The following BTLA variants were observed in gnomAD, a reference collection of about 807,000 sequenced individuals.
BTLA encodes the protein B- and T-lymphocyte attenuator.
BTLA carries 11 observed loss-of-function variants against 25.0 expected under a neutral mutation model. That is an observed-to-expected ratio of 0.44 (90% CI 0.28 to 0.73). The LOEUF (loss-of-function observed/expected upper bound fraction) is 0.73. BTLA is among the 30% of genes least tolerant of loss of function. BTLA has a pLI of 0.15. For synonymous variants in BTLA, 104 were observed against 119.8 expected (o/e 0.87, Z 0.86); for missense variants, 282 against 332.8 (o/e 0.85, Z 1.19).
Position 112,466,066 on chromosome 3 carries a change from A to T in BTLA, c.*42T>A. 6.6e-7 allele frequency: 1 copy of T among 1,508,190 alleles called. No individual in the cohort carries two copies. The highest frequency in any genetic ancestry group is 8.9e-7 in the Non-Finnish European group (1 of 1,118,516). The allele number at this position is 1,508,190 out of a possible 1,614,324, so 93.4% of individuals were successfully genotyped here. Reference sequence around the variant, plus strand: ...GTTGAGCCCAGACAATGATGTCAACATGCTGATCATTCAATGGTCCCTGTT... The same window carrying T: ...GTTGAGCCCAGACAATGATGTCAACTTGCTGATCATTCAATGGTCCCTGTT... On this transcript the variant is annotated 3_prime_UTR_variant, in exon 5 of 5. Transcript: ENST00000334529.
chr3:112,473,085 GT>G (rs1222326427), intron 2 of BTLA, among the ~76,000 whole-genome samples: 2 of 151,462 alleles, frequency 1.3e-5, no homozygotes, highest in Non-Finnish European at 2.9e-5. Flanking sequence ...AGAACAAACT[GT>G]TTCTCTATTT....
At chr3:112,488,231 T>TC (rs1553732288) in intron 1 of BTLA, among the ~76,000 whole-genome samples, 7 of 144,948 alleles carry the variant, frequency 4.8e-5, no homozygotes, top group Admixed American at 6.9e-5. Flanking sequence ...CTTTTTTCTT[T>TC]TTTTTTTTTT....
rs953379422 is a variant in BTLA at position 112,465,224 on chromosome 3, T to C, written c.*884A>G. 1 of 152,646 alleles carries C rather than the reference T, an allele frequency of 6.6e-6. No homozygotes were observed. The highest frequency in any genetic ancestry group is 2.4e-5 in the African/African-American group (1 of 41,452). 9.5% of individuals were successfully genotyped at this position (152,646 alleles called of 1,614,324 possible). A position where few individuals can be genotyped will look rare whatever the true frequency, so the allele number is the denominator to read the frequency against. ...ATATTCTGGGTTTTCCTCCATTCCA[T>C]TAATTGCACTTTAACTTGCTATCAA... On this transcript the variant is annotated 3_prime_UTR_variant, in exon 5 of 5. Transcript: ENST00000334529.
intron 1 of BTLA, among the ~76,000 whole-genome samples, chr3:112,483,694 A>G (rs1358028041): frequency 1.3e-5 from 2 of 151,276 alleles, no homozygotes; most frequent in Non-Finnish European, 2.9e-5. Context: ...AAGGCCGGGC[A>G]TGGTGGCTCA....
chr3:112,485,174 G>GAGTA, intron 1 of BTLA, among the ~76,000 whole-genome samples: 1 of 151,140 alleles, frequency 6.6e-6, no homozygotes, highest in African/African-American at 2.4e-5. Flanking sequence ...CCTCCCCGGT[G>GAGTA]GCTGGGATTA....
intron 1 of BTLA, 69 bp from the exon 2 acceptor site, chr3:112,479,838 T>G: frequency 7.8e-7 from 1 of 1,277,202 alleles, no homozygotes; most frequent in Non-Finnish European, 1.1e-6. Flanking sequence ...GTGACTTCAA[T>G]AGTTCTCAAG....
intron 1 of BTLA, among the ~76,000 whole-genome samples, chr3:112,487,872 GA>G (rs936930600): frequency 6.6e-6 from 1 of 152,154 alleles, no homozygotes; most frequent in African/African-American, 2.4e-5. Context: ...CTTCATGGGG[GA>G]AGATAAATCT....
intron 4 of BTLA, among the ~76,000 whole-genome samples, chr3:112,468,225 G>GT (rs2082240692): frequency 1.3e-5 from 2 of 152,302 alleles, no homozygotes; most frequent in African/African-American, 4.8e-5. Flanking sequence ...CAATTCAGTG[G>GT]TTTTTATTAG....
At chr3:112,476,253 G>A (rs916079088) in intron 2 of BTLA, among the ~76,000 whole-genome samples, 5 of 152,118 alleles carry the variant, frequency 3.3e-5, no homozygotes, top group Non-Finnish European at 2.9e-5. Flanking sequence ...CTCTGCCATC[G>A]ATTTCTTCTA....
At chr3:112,479,418 A>T in intron 2 of BTLA, 37 bp downstream of exon 2, 1 of 1,542,318 alleles carries the variant, frequency 6.5e-7, no homozygotes, top group Non-Finnish European at 8.8e-7. Context: ...AAACATTATA[A>T]GAAAAATATC....
intron 1 of BTLA, among the ~76,000 whole-genome samples, chr3:112,484,412 C>T (rs575918520): frequency 2.6e-5 from 4 of 152,200 alleles, no homozygotes; most frequent in East Asian, 3.9e-4. Context: ...ACACATTGAG[C>T]GAATTTGATA....
chr3:112,483,488 T>A (rs1436857092), intron 1 of BTLA, among the ~76,000 whole-genome samples: 1 of 152,074 alleles, frequency 6.6e-6, no homozygotes, highest in Non-Finnish European at 1.5e-5. Context: ...AGAATCAATT[T>A]ACTATATACC....
Position 112,499,259 on chromosome 3 carries a change from C to T in BTLA, c.88+12G>A, listed in dbSNP as rs765647778. 1 of 1,553,902 alleles carries T rather than the reference C, an allele frequency of 6.4e-7. No individual in the cohort carries two copies. The highest frequency in any genetic ancestry group is 8.9e-7 in the Non-Finnish European group (1 of 1,125,772). ...GAAATAAAACCAGAAATAACCTAAGCAGGTGCCTTACCATGGATGTTCCAG... is the reference window on the plus strand; with the variant it reads ...GAAATAAAACCAGAAATAACCTAAGTAGGTGCCTTACCATGGATGTTCCAG... On this transcript the variant is annotated intron_variant, in intron 1 of 4. Coordinates refer to ENST00000334529, the MANE Select transcript of BTLA (RefSeq NM_181780.4).
At chr3:112,490,005 C>T (rs1191956879) in intron 1 of BTLA, among the ~76,000 whole-genome samples, 1 of 152,162 alleles carries the variant, frequency 6.6e-6, no homozygotes, top group Non-Finnish European at 1.5e-5. Flanking sequence ...TGGAACCATA[C>T]TTCAAGGATC....
upstream of BTLA, chr3:112,499,484 A>T: frequency 1.5e-6 from 1 of 660,266 alleles, no homozygotes; most frequent in Non-Finnish European, 2.5e-6. Context: ...AAAAAAAAAA[A>T]AAAAGAAGAG....
chr3:112,494,656 A>G (rs2107340698), intron 1 of BTLA, among the ~76,000 whole-genome samples: 1 of 152,360 alleles, frequency 6.6e-6, no homozygotes, highest in African/African-American at 2.4e-5. Flanking sequence ...ACACAGGAAC[A>G]GAAAACCAAA....
At chr3:112,469,912 G>T in intron 3 of BTLA, 108 bp from the exon 4 acceptor site, 1 of 853,786 alleles carries the variant, frequency 1.2e-6, no homozygotes, top group Non-Finnish European at 1.9e-6. Context: ...AGTGTTGTTA[G>T]TTTTGGCTTG....
intron 1 of BTLA, among the ~76,000 whole-genome samples, chr3:112,480,934 A>G (rs1372333692): frequency 6.6e-6 from 1 of 152,218 alleles, no homozygotes; most frequent in Non-Finnish European, 1.5e-5. Context: ...AGATATGGGT[A>G]AGATTCAAGG....
Position 112,498,389 on chromosome 3 carries a change from C to G in BTLA, c.88+882G>C, listed in dbSNP as rs1289570913. 2.0e-5 allele frequency among the ~76,000 whole-genome samples: 3 copies of G among 151,824 alleles called. No homozygotes were observed. In the East Asian group the frequency reaches 5.8e-4, roughly 29 times the overall value. ...CAGAGGATGCAGTGAGGCGGGATCA[C>G]GCCATTGCACTCCAGCCTGGGTGAC... On this transcript the variant is annotated intron_variant, in intron 1 of 4. Transcript: ENST00000334529.
Sources: gnomAD v4.1 joint callset for allele counts (sites outside exome capture counted in the v4.1 genomes callset) on GRCh38, gnomAD v4.1.1 for gene constraint, MANE v1.5 for transcripts, NCBI Gene and HGNC (gene_info 2026-07-23, HGNC 2026-07-21) for gene names.